Variants in DNAH9 observed in about 807,000 individuals in gnomAD.
DNAH9 encodes the protein DNAH9 variant protein.
Under a neutral mutation model 471.6 loss-of-function variants are expected in DNAH9, and 345 were observed. That is an observed-to-expected ratio of 0.73 (90% CI 0.67 to 0.80). The LOEUF (loss-of-function observed/expected upper bound fraction) is 0.80, where lower values mean the gene tolerates loss of function less well. Ranked by LOEUF, DNAH9 falls within the 30% of genes least tolerant of loss-of-function variation. DNAH9 has a pLI of 0.00. For missense variants in DNAH9, 5,407 were observed against 5,609.2 expected, an observed-to-expected ratio of 0.96 and a Z score of 1.15; for synonymous variants, 2,093 against 2,123.6, an observed-to-expected ratio of 0.99 and a Z score of 0.40.
chr17:11,665,138 T>G (rs1156500185), intron 15 of DNAH9, among the ~76,000 whole-genome samples, 170 bp downstream of exon 15: 8 of 152,186 alleles, frequency 5.3e-5, no homozygotes, highest in African/African-American at 1.9e-4. Flanking sequence ...TCTAAATTGT[T>G]CAAAGACAAA....
rs1238744624 is a variant in DNAH9 at position 11,674,345 on chromosome 17, C to T, written c.3353+4551C>T. On this transcript the variant is annotated intron_variant, in intron 17 of 68. Coordinates refer to ENST00000262442, the MANE Select transcript of DNAH9 (RefSeq NM_001372.4). Reference sequence around the variant, plus strand: ...GTGAAAGCTCTTACAGCCTAGCATCCTCCCCACCTCTTAGTATTGATAAAT... The same window carrying T: ...GTGAAAGCTCTTACAGCCTAGCATCTTCCCCACCTCTTAGTATTGATAAAT... Among the ~76,000 whole-genome samples the T allele has an allele frequency of 2.6e-5, 4 of 152,174 alleles. No homozygotes were observed. The East Asian group carries it at 7.7e-4, about 29-fold the overall frequency.
At chr17:11,640,204 G>A (rs2073244134) in intron 9 of DNAH9, 66 bp from the exon 10 acceptor site, 5 of 950,198 alleles carry the variant, frequency 5.3e-6, no homozygotes, top group Admixed American at 2.3e-5. Flanking sequence ...GGTGGGAGGT[G>A]TTTGCCGAGC....
intron 38 of DNAH9, among the ~76,000 whole-genome samples, chr17:11,773,260 T>G (rs927953393): frequency 1.3e-5 from 2 of 152,194 alleles, no homozygotes; most frequent in African/African-American, 4.8e-5. Context: ...TGAGGTGGCA[T>G]AGTCTGCTTG....
intron 10 of DNAH9, among the ~76,000 whole-genome samples, chr17:11,643,735 C>T (rs115656003): frequency 0.011 from 1,650 of 152,238 alleles, 33 homozygotes; most frequent in African/African-American, 0.038. Flanking sequence ...ATGATCAATA[C>T]GCTTTATGGT....
intron 19 of DNAH9, among the ~76,000 whole-genome samples, chr17:11,682,665 C>T (rs1002376007): frequency 6.6e-6 from 1 of 152,076 alleles, no homozygotes; most frequent in African/African-American, 2.4e-5. Context: ...TTAGAATCAC[C>T]TGGAGAGATT....
chr17:11,774,640 C>T (rs77019642), intron 38 of DNAH9, among the ~76,000 whole-genome samples: 3,283 of 152,210 alleles, frequency 0.022, 109 homozygotes, highest in African/African-American at 0.076. Flanking sequence ...AGGTAGGACA[C>T]GTAGGGATTA....
intron 26 of DNAH9, among the ~76,000 whole-genome samples, chr17:11,708,161 C>G (rs958455174): frequency 3.3e-5 from 5 of 152,150 alleles, no homozygotes; most frequent in African/African-American, 1.2e-4. Flanking sequence ...ATGTAAACCT[C>G]TAGCAATCAA....
chr17:11,614,167 G>C (rs2072694337), intron 4 of DNAH9, among the ~76,000 whole-genome samples: 1 of 152,170 alleles, frequency 6.6e-6, no homozygotes, highest in African/African-American at 2.4e-5. Flanking sequence ...GATCTTCTAA[G>C]CTGGTGACTG....
chr17:11,780,584 T>C (rs891005195), intron 38 of DNAH9, among the ~76,000 whole-genome samples: 4 of 152,194 alleles, frequency 2.6e-5, no homozygotes, highest in South Asian at 2.1e-4. Flanking sequence ...CAAAGAAAAC[T>C]GGGGACCACA....
At chr17:11,673,423 A>G (rs1444168682) in intron 17 of DNAH9, among the ~76,000 whole-genome samples, 1 of 152,072 alleles carries the variant, frequency 6.6e-6, no homozygotes, top group Admixed American at 6.5e-5. Flanking sequence ...AATATTCCCT[A>G]TCTCCAACAT....
At chr17:11,768,366 C>G in intron 36 of DNAH9, 87 bp from the exon 37 acceptor site, 2 of 1,385,784 alleles carry the variant, frequency 1.4e-6, no homozygotes, top group Non-Finnish European at 2.0e-6. Flanking sequence ...TTGTCCTGCC[C>G]TGACCTTCTA....
chr17:11,956,884 C>CA (rs1331116380), intron 67 of DNAH9, among the ~76,000 whole-genome samples: 2 of 150,784 alleles, frequency 1.3e-5, no homozygotes, highest in African/African-American at 4.9e-5. Flanking sequence ...AAAAAAATGG[C>CA]AAAACAAACC....
chr17:11,655,296 A>G (rs570153211), intron 14 of DNAH9, among the ~76,000 whole-genome samples: 1 of 151,962 alleles, frequency 6.6e-6, no homozygotes, highest in East Asian at 2.0e-4. Flanking sequence ...AAGTCCATCC[A>G]GGTTGCTGCA....
chr17:11,734,691 G>T (rs995894862), intron 28 of DNAH9, among the ~76,000 whole-genome samples: 2 of 152,214 alleles, frequency 1.3e-5, no homozygotes, highest in Non-Finnish European at 2.9e-5. Context: ...CTTTGTGAAG[G>T]CTTCCTGGAC....
At chr17:11,777,287 A>C (rs1029963609) in intron 38 of DNAH9, among the ~76,000 whole-genome samples, 1 of 152,260 alleles carries the variant, frequency 6.6e-6, no homozygotes. Context: ...TAACTATGTC[A>C]TCCTACATTA....
At chr17:11,936,031 CTGTT>C (rs1974703328) in intron 65 of DNAH9, among the ~76,000 whole-genome samples, 1 of 152,180 alleles carries the variant, frequency 6.6e-6, no homozygotes, top group Admixed American at 6.5e-5. Flanking sequence ...CAAAGGAAGT[CTGTT>C]TTTCTTATTC....
intron 49 of DNAH9, among the ~76,000 whole-genome samples, chr17:11,839,550 A>G (rs1309688169): frequency 6.6e-6 from 1 of 151,954 alleles, no homozygotes; most frequent in African/African-American, 2.4e-5. Context: ...CAAATAGTAT[A>G]GAATATATAG....
At chr17:11,835,736 T>C (rs1970829608) in intron 49 of DNAH9, among the ~76,000 whole-genome samples, 1 of 152,182 alleles carries the variant, frequency 6.6e-6, no homozygotes, top group Admixed American at 6.5e-5. Context: ...TCCCTACAGA[T>C]TGCTTTCTCT....
intron 26 of DNAH9, among the ~76,000 whole-genome samples, chr17:11,718,732 T>C (rs1232330255): frequency 6.6e-6 from 1 of 152,222 alleles, no homozygotes; most frequent in Non-Finnish European, 1.5e-5. Flanking sequence ...GATATAGCCC[T>C]ACCTTCATGA....
Sources: gnomAD v4.1 joint callset for allele counts (sites outside exome capture counted in the v4.1 genomes callset) on GRCh38, gnomAD v4.1.1 for gene constraint, MANE v1.5 for transcripts, NCBI Gene and HGNC (gene_info 2026-07-23, HGNC 2026-07-21) for gene names.